The following FHOD3 variants were observed in gnomAD, a reference collection of about 807,000 sequenced individuals.
FHOD3 encodes FH1/FH2 domain-containing protein 3.
In FHOD3, 90 loss-of-function variants were observed where a neutral mutation model predicts 173.0. The ratio of observed to expected loss-of-function variants is 0.52; its 90% CI spans 0.44 to 0.62. The LOEUF is 0.62. Ranked by LOEUF, FHOD3 falls within the 20% of genes least tolerant of loss-of-function variation. The pLI is 0.00. For synonymous variants in FHOD3, 828 were observed against 823.0 expected (o/e 1.01, Z -0.10); for missense variants, 1,945 against 2,034.7 (o/e 0.96, Z 0.85).
At chr18:36,432,276 A>G (rs1401484993) in intron 3 of FHOD3, among the ~76,000 whole-genome samples, 1 of 152,198 alleles carries the variant, frequency 6.6e-6, no homozygotes, top group East Asian at 1.9e-4. Flanking sequence ...GCTGGATGCT[A>G]GTTTAAAGAT....
chr18:36,690,314 A>G (rs754316984), intron 16 of FHOD3, among the ~76,000 whole-genome samples: 2 of 152,188 alleles, frequency 1.3e-5, no homozygotes, highest in Non-Finnish European at 2.9e-5. Flanking sequence ...GAAGGCAGCA[A>G]AAGTAGGAAG....
intron 3 of FHOD3, among the ~76,000 whole-genome samples, chr18:36,401,856 A>G (rs1288356931): frequency 6.6e-6 from 1 of 152,152 alleles, no homozygotes; most frequent in Non-Finnish European, 1.5e-5. Context: ...ATTTTTACCA[A>G]TTCATTGATT....
At chr18:36,390,379 A>G (rs527705051) in intron 3 of FHOD3, among the ~76,000 whole-genome samples, 1 of 152,298 alleles carries the variant, frequency 6.6e-6, no homozygotes, top group Admixed American at 6.5e-5. Flanking sequence ...ATTCCAGGTT[A>G]AAGATAGGAG....
intron 3 of FHOD3, among the ~76,000 whole-genome samples, chr18:36,448,622 G>C (rs1379809130): frequency 6.6e-6 from 1 of 152,072 alleles, no homozygotes; most frequent in African/African-American, 2.4e-5. Flanking sequence ...GTTTTGTTTG[G>C]ACAGCCTTTT....
At chr18:36,615,155 T>A (rs888115835) in intron 9 of FHOD3, among the ~76,000 whole-genome samples, 10 of 152,292 alleles carry the variant, frequency 6.6e-5, no homozygotes, top group Admixed American at 5.9e-4. Context: ...CAGCCTTGAT[T>A]TTTTTATTGT....
At chr18:36,453,159 G>C (rs2051966626) in intron 3 of FHOD3, among the ~76,000 whole-genome samples, 1 of 151,926 alleles carries the variant, frequency 6.6e-6, no homozygotes, top group African/African-American at 2.4e-5. Flanking sequence ...TTCTAGCTTG[G>C]TGTTGCTCTG....
chr18:36,467,029 C>T (rs1032171526), intron 3 of FHOD3, among the ~76,000 whole-genome samples: 6 of 152,256 alleles, frequency 3.9e-5, no homozygotes, highest in Non-Finnish European at 8.8e-5. Context: ...AAGAGGGGAT[C>T]CCTGCCCCAT....
intron 3 of FHOD3, among the ~76,000 whole-genome samples, chr18:36,492,575 A>C (rs1487980896): frequency 6.6e-6 from 1 of 152,212 alleles, no homozygotes. Context: ...TACCTAGTAG[A>C]TAACCAATCA....
At chr18:36,649,177 TGG>T (rs1298153202) in intron 10 of FHOD3, 137 bp from the exon 11 acceptor site, 23 of 557,284 alleles carry the variant, frequency 4.1e-5, no homozygotes, top group Admixed American at 2.0e-4. Context: ...GCCAGCTGGG[TGG>T]TTTTTTTTTT....
chr18:36,606,548 C>A (rs1031119851), intron 8 of FHOD3, among the ~76,000 whole-genome samples: 2 of 152,104 alleles, frequency 1.3e-5, no homozygotes, highest in Non-Finnish European at 2.9e-5. Flanking sequence ...TAGCATTCTG[C>A]CCCCTGTCCC....
chr18:36,687,096 TC>T, intron 15 of FHOD3, 31 bp from the exon 16 acceptor site: 3 of 1,542,204 alleles, frequency 1.9e-6, no homozygotes, highest in Non-Finnish European at 2.7e-6. Flanking sequence ...TACTTTCTTT[TC>T]CTGTTTGTTT....
chr18:36,693,987 C>T (rs2039113851), intron 17 of FHOD3, among the ~76,000 whole-genome samples: 2 of 152,136 alleles, frequency 1.3e-5, no homozygotes, highest in African/African-American at 4.8e-5. Context: ...GGCAAGCTCT[C>T]CTGGGAGATA....
intron 5 of FHOD3, among the ~76,000 whole-genome samples, chr18:36,569,763 A>C (rs749630766): frequency 6.6e-6 from 1 of 152,182 alleles, no homozygotes; most frequent in Non-Finnish European, 1.5e-5. Flanking sequence ...ACTGTAAATC[A>C]GTAACGGAAG....
intron 1 of FHOD3, among the ~76,000 whole-genome samples, chr18:36,339,833 G>C (rs1023407377): frequency 6.6e-6 from 1 of 152,226 alleles, no homozygotes; most frequent in Non-Finnish European, 1.5e-5. Flanking sequence ...AAAAGAGACT[G>C]CTGATGGAAG....
intron 5 of FHOD3, among the ~76,000 whole-genome samples, chr18:36,545,816 T>C (rs550490130): frequency 6.6e-6 from 1 of 152,354 alleles, no homozygotes; most frequent in East Asian, 1.9e-4. Flanking sequence ...TATGTGGAAA[T>C]GAGTAAAAAC....
chr18:36,759,656 G>A (rs1304775758), intron 26 of FHOD3, among the ~76,000 whole-genome samples: 1 of 152,226 alleles, frequency 6.6e-6, no homozygotes, highest in Non-Finnish European at 1.5e-5. Context: ...GCAGATGGCA[G>A]GGGCTCTTCC....
intron 9 of FHOD3, among the ~76,000 whole-genome samples, chr18:36,623,351 T>C (rs1191337800): frequency 2.0e-5 from 3 of 152,238 alleles, no homozygotes; most frequent in African/African-American, 7.2e-5. Context: ...AGAAGCAGAA[T>C]CAACACATCA....
chr18:36,634,582 A>T (rs181509538), intron 10 of FHOD3, among the ~76,000 whole-genome samples: 1 of 152,120 alleles, frequency 6.6e-6, no homozygotes, highest in South Asian at 2.1e-4. Context: ...TATGACGTTA[A>T]TCTACAAAAT....
chr18:36,403,736 G>A (rs540162936), intron 3 of FHOD3, among the ~76,000 whole-genome samples: 1 of 152,342 alleles, frequency 6.6e-6, no homozygotes, highest in South Asian at 2.1e-4. Context: ...TTCAATTTAA[G>A]GTGGGAATAT....
Sources: allele counts gnomAD v4.1 joint callset (sites outside exome capture counted in the v4.1 genomes callset), GRCh38; gene constraint gnomAD v4.1.1; transcripts MANE v1.5; gene names NCBI Gene and HGNC (gene_info 2026-07-23, HGNC 2026-07-21).